Variants in STK11 observed in about 807,000 individuals in gnomAD.
STK11 encodes serine/threonine-protein kinase STK11.
A neutral mutation model predicts 47.3 loss-of-function variants in STK11; 8 were observed. The ratio of observed to expected loss-of-function variants is 0.17; its 90% confidence interval spans 0.10 to 0.31. The LOEUF (loss-of-function observed/expected upper bound fraction) is 0.31, where lower values mean the gene tolerates loss of function less well. STK11 is among the 10% of genes least tolerant of loss of function. The pLI, the probability that STK11 is intolerant of heterozygous loss-of-function variation, is 1.00. For missense variants in STK11, 475 were observed against 605.0 expected (o/e 0.79, Z 2.25); for synonymous variants, 330 against 255.8 (o/e 1.29, Z -2.77).
At chr19:1,226,182 TG>T (rs2145435259) in intron 8 of STK11, 1 of 1,313,904 alleles carries the variant, frequency 7.6e-7, no homozygotes, top group East Asian at 3.3e-5. Context: ...AGTACCTGGG[TG>T]GGGTCCCACC....
Position 1,219,369 on chromosome 19 carries a change from G to C in STK11, c.420G>C (p.Leu140=), listed in dbSNP as rs2145422349. 6.3e-7 allele frequency: 1 copy of C among 1,599,530 alleles called. No individual in the cohort carries two copies. The highest frequency in any genetic ancestry group is 1.1e-5 in the South Asian group (1 of 88,222). The change falls in exon 3 of 10, where the codon CTG becomes CTC. Residue 140 remains leucine (L), a synonymous_variant. Coordinates refer to ENST00000326873, the MANE Select transcript of STK11 (RefSeq NM_000455.5). ...GCGTGTGTGGCATGCAGGAAATGCT[G>C]GACAGCGTGCCGGAGAAGCGTTTCC... ...EYCVCGMQEM[L]DSVPEKRFPV...
In STK11 at chr19:1,226,230, G is replaced by A. The variant is rs1023988126; in HGVS notation, c.1109-224G>A. The A allele has an allele frequency of 1.1e-5, 15 of 1,391,380 alleles. No individual in the cohort carries two copies. The East Asian group carries it at 3.3e-4, about 31-fold the overall frequency. The allele number at this position is 1,391,380 out of a possible 1,614,324, so 86.2% of individuals were successfully genotyped here. ...CAGGTGCAACAGACGTGGTGGAGGG[G>A]ACACTCCTGCCCAGGCCATCTGCGG... On this transcript the variant is annotated intron_variant, in intron 8 of 9. Coordinates refer to ENST00000326873, the MANE Select transcript of STK11 (RefSeq NM_000455.5).
intron 1 of STK11, among the ~76,000 whole-genome samples, chr19:1,210,869 A>C (rs1599919074): frequency 6.6e-6 from 1 of 152,002 alleles, no homozygotes; most frequent in East Asian, 1.9e-4. Context: ...TCTCGAAAAA[A>C]AAAAGGGCTG....
intron 1 of STK11, among the ~76,000 whole-genome samples, chr19:1,208,270 C>T (rs1359580389): frequency 4.0e-5 from 6 of 151,808 alleles, no homozygotes; most frequent in Admixed American, 1.3e-4. Flanking sequence ...TCTGCTCTCA[C>T]CTCTCTCCTG....
chr19:1,222,070 T>C lies in STK11; in HGVS notation c.920+64T>C, dbSNP rs1040834452. 3 of 1,533,156 alleles carry C rather than the reference T, an allele frequency of 2.0e-6. No homozygotes were observed. In the African/African-American group the frequency reaches 4.1e-5, roughly 21 times the overall value. 95.0% of individuals were successfully genotyped at this position (1,533,156 alleles called of 1,614,324 possible). A position where few individuals can be genotyped will look rare whatever the true frequency, so the allele number is the denominator to read the frequency against. Reference sequence around the variant, plus strand: ...GGAGGCCGGCCATGTGGGCAGCTGGTTGAGCGGGCGCTAGAGCAGGGCGTG... The same window carrying C: ...GGAGGCCGGCCATGTGGGCAGCTGGCTGAGCGGGCGCTAGAGCAGGGCGTG... On this transcript the variant is annotated intron_variant, in intron 7 of 9. Coordinates refer to ENST00000326873, the MANE Select transcript of STK11 (RefSeq NM_000455.5).
chr19:1,223,881 A>G, intron 8 of STK11: 8 of 1,018,132 alleles, frequency 7.9e-6, no homozygotes, highest in Non-Finnish European at 9.4e-6. Flanking sequence ...GTGTATCTGC[A>G]GGGTGGATGC....
intron 8 of STK11, chr19:1,223,535 G>A (rs1419400639): frequency 9.9e-7 from 1 of 1,010,162 alleles, no homozygotes; most frequent in African/African-American, 1.6e-5. Context: ...GGTGCAGGGT[G>A]GCCCCTCAGA....
At chr19:1,224,140 C>A in intron 8 of STK11, 2 of 988,502 alleles carry the variant, frequency 2.0e-6, no homozygotes, top group African/African-American at 1.7e-5. Flanking sequence ...GTAGCTGGTC[C>A]CCAGGAGAGT....
chr19:1,210,188 G>A (rs2080699848), intron 1 of STK11, among the ~76,000 whole-genome samples: 1 of 152,212 alleles, frequency 6.6e-6, no homozygotes, highest in Non-Finnish European at 1.5e-5. Context: ...TGTTCTGACT[G>A]GAGGCTGCCA....
chr19:1,208,261 C>T (rs1313429272), intron 1 of STK11, among the ~76,000 whole-genome samples: 1 of 151,326 alleles, frequency 6.6e-6, no homozygotes. Flanking sequence ...CCTGCCGTGT[C>T]TGCTCTCACC....
At chr19:1,222,418 C>T (rs2080791331) in intron 7 of STK11, among the ~76,000 whole-genome samples, 1 of 152,180 alleles carries the variant, frequency 6.6e-6, no homozygotes, top group African/African-American at 2.4e-5. Context: ...GGTCAGCAGG[C>T]CCCACAGTGC....
At chr19:1,222,097 TGGG>T in intron 7 of STK11, 91 bp downstream of exon 7, 22 of 1,451,500 alleles carry the variant, frequency 1.5e-5, no homozygotes, top group Non-Finnish European at 2.0e-5. Context: ...CAGGGCGTGG[TGGG>T]GGTGCCAGGC....
intron 1 of STK11, among the ~76,000 whole-genome samples, chr19:1,209,765 C>A (rs1429440046): frequency 6.6e-6 from 1 of 151,494 alleles, no homozygotes; most frequent in South Asian, 2.1e-4. Flanking sequence ...CAGGTGAGCA[C>A]CTGAACGGTA....
At chr19:1,222,117 G>T in intron 7 of STK11, 111 bp downstream of exon 7, 1 of 1,305,806 alleles carries the variant, frequency 7.7e-7, no homozygotes, top group East Asian at 2.5e-5. Flanking sequence ...AGGCTGGGCT[G>T]GGGCCAGACC....
In STK11 at chr19:1,221,988, G is replaced by A. The variant is rs370222210; in HGVS notation, c.902G>A (p.Arg301Gln). The change falls in exon 7 of 10, where the codon CGG (arginine) becomes CAG (glutamine). Residue 301 changes from arginine (R) to glutamine (Q), a missense_variant. Coordinates refer to ENST00000326873, the MANE Select transcript of STK11 (RefSeq NM_000455.5). ...EYEPAKRFSI[R>Q]QIRQHSWFRK... Reference sequence around the variant, plus strand: ...GAACCGGCCAAGAGGTTCTCCATCCGGCAGATCCGGCAGCACAGGTGAGCG... The same window carrying A: ...GAACCGGCCAAGAGGTTCTCCATCCAGCAGATCCGGCAGCACAGGTGAGCG... 1.4e-5 allele frequency: 22 copies of A among 1,569,932 alleles called. No homozygotes were observed. The highest frequency in any genetic ancestry group is 3.5e-5 in the South Asian group (3 of 85,426).
At chr19:1,213,470 C>A (rs2080725464) in intron 1 of STK11, among the ~76,000 whole-genome samples, 1 of 152,246 alleles carries the variant, frequency 6.6e-6, no homozygotes, top group Non-Finnish European at 1.5e-5. Flanking sequence ...GCATTCCCTT[C>A]CTGCCTCTGG....
chr19:1,226,385 C>T, intron 8 of STK11, 69 bp from the exon 9 acceptor site: 1 of 1,562,852 alleles, frequency 6.4e-7, no homozygotes, highest in Middle Eastern at 2.2e-4. Flanking sequence ...GTGGTGGGGG[C>T]CAGCCAGGTC....
At chr19:1,215,523 C>T (rs2080739399) in intron 1 of STK11, among the ~76,000 whole-genome samples, 2 of 152,254 alleles carry the variant, frequency 1.3e-5, no homozygotes, top group African/African-American at 4.8e-5. Context: ...CTCCTAGCCC[C>T]TCCCCAGACT....
At chr19:1,214,658 G>A (rs3829686) in intron 1 of STK11, among the ~76,000 whole-genome samples, 11,918 of 152,260 alleles carry the variant, frequency 0.078, 600 homozygotes, top group African/African-American at 0.14. Context: ...CTCTGAGGCT[G>A]CATGCAGGTT....
Sources: gnomAD v4.1 joint callset for allele counts (sites outside exome capture counted in the v4.1 genomes callset) on GRCh38, gnomAD v4.1.1 for gene constraint, MANE v1.5 for transcripts, NCBI Gene and HGNC (gene_info 2026-07-23, HGNC 2026-07-21) for gene names.